The following LHPP variants were observed in gnomAD, a reference collection of about 807,000 sequenced individuals.
The protein encoded by LHPP is phospholysine phosphohistidine inorganic pyrophosphate phosphatase.
In LHPP, 24 loss-of-function variants were observed where a neutral mutation model predicts 30.3. The ratio of observed to expected loss-of-function variants is 0.79; its 90% CI spans 0.57 to 1.11. The LOEUF (loss-of-function observed/expected upper bound fraction) is 1.11. LHPP is among the 50% of genes most tolerant of loss of function. The probability of loss-of-function intolerance (pLI) is 0.00; values close to 1 mark genes in which losing one functional copy is unlikely to be tolerated. For synonymous variants in LHPP, 150 were observed against 157.1 expected (o/e 0.95, Z 0.34); for missense variants, 356 against 367.2 (o/e 0.97, Z 0.25).
In LHPP at chr10:124,601,917, A is replaced by G. The variant is rs531546153; in HGVS notation, c.717-11347A>G. 8.5e-5 allele frequency among the ~76,000 whole-genome samples: 13 copies of G among 152,296 alleles called. 1 individual carries two copies. Among genetic ancestry groups the G allele is most frequent in the African/African-American group, 3.1e-4 (13 of 41,562 alleles). On this transcript the variant is annotated intron_variant, in intron 6 of 6. Transcript: ENST00000368842. ...ACCAGCCATGGGGAGGCCGTGGGCTACCAGGCCCTGCGTGCACTCGCAGCA... is the reference window on the plus strand; with the variant it reads ...ACCAGCCATGGGGAGGCCGTGGGCTGCCAGGCCCTGCGTGCACTCGCAGCA...
chr10:124,591,542 C>T lies in LHPP; in HGVS notation c.717-21722C>T, dbSNP rs111244882. Among the ~76,000 whole-genome samples, 836 of 152,128 alleles carry T rather than the reference C, an allele frequency of 5.5e-3. 11 individuals carry two copies. Among genetic ancestry groups the T allele is most frequent in the African/African-American group, 0.019 (781 of 41,490 alleles). ...ACAAAGTCATTGTGGACACTGAGGC[C>T]CAGAAAAGGGACTTGCCCAAGGCCA... is the stretch of plus-strand genomic sequence containing the variant. On this transcript the variant is annotated intron_variant, in intron 6 of 6. Transcript: ENST00000368842.
At chr10:124,571,526 A>T (rs1948584045) in intron 6 of LHPP, among the ~76,000 whole-genome samples, 1 of 152,252 alleles carries the variant, frequency 6.6e-6, no homozygotes, top group Admixed American at 6.5e-5. Flanking sequence ...GGTGTCCAGG[A>T]TGCACTGCCT....
At chr10:124,490,843 C>T (rs568012070) in intron 3 of LHPP, among the ~76,000 whole-genome samples, 25 of 152,150 alleles carry the variant, frequency 1.6e-4, no homozygotes, top group Admixed American at 1.4e-3. Context: ...GGGTTCTGCA[C>T]AACCTAGAGT....
At chr10:124,570,141 C>G (rs888895862) in intron 6 of LHPP, among the ~76,000 whole-genome samples, 6 of 152,214 alleles carry the variant, frequency 3.9e-5, no homozygotes, top group Admixed American at 1.3e-4. Flanking sequence ...GCTTCAATCT[C>G]CTTGGTAGCT....
At chr10:124,530,079 C>A (rs1242526507) in intron 6 of LHPP, among the ~76,000 whole-genome samples, 1 of 152,140 alleles carries the variant, frequency 6.6e-6, no homozygotes, top group African/African-American at 2.4e-5. Flanking sequence ...AGAGAGGACA[C>A]CCCAATGCGG....
intron 5 of LHPP, chr10:124,498,670 T>C (rs1953806547): frequency 1.9e-6 from 1 of 531,080 alleles, no homozygotes; most frequent in Non-Finnish European, 3.3e-6. Flanking sequence ...CTTTTTTTTT[T>C]TTTTTTTTTT....
chr10:124,551,042 A>G (rs1948155025), intron 6 of LHPP, among the ~76,000 whole-genome samples: 1 of 152,024 alleles, frequency 6.6e-6, no homozygotes, highest in Non-Finnish European at 1.5e-5. Flanking sequence ...GTTTCTACAC[A>G]ACCCATCTGT....
At chr10:124,462,495 T>C (rs1410341933) in intron 1 of LHPP, among the ~76,000 whole-genome samples, 1 of 151,878 alleles carries the variant, frequency 6.6e-6, no homozygotes, top group Non-Finnish European at 1.5e-5. Flanking sequence ...CTTGGGAGGC[T>C]GAGGCAGGAG....
chr10:124,588,674 A>G (rs1464777747), intron 6 of LHPP, among the ~76,000 whole-genome samples: 3 of 151,802 alleles, frequency 2.0e-5, no homozygotes, highest in African/African-American at 7.3e-5. Context: ...GGTTTTTACA[A>G]ATGTCTGCAA....
At position 124,574,540 on chromosome 10, in the gene LHPP, C is replaced by A. The variant is rs200182413; in HGVS notation, c.717-38724C>A. On this transcript the variant is annotated intron_variant, in intron 6 of 6. Transcript: ENST00000368842. ...AGAGCTTCAGACCTGGAGCCTGCTC[C>A]CAGGGCCGATCTGAACCCGGCACCT... Among the ~76,000 whole-genome samples the A allele has an allele frequency of 4.9e-4, 74 of 152,254 alleles. No individual in the cohort carries two copies. In the East Asian group the frequency reaches 0.011, roughly 22 times the overall value.
chr10:124,544,906 T>A (rs1022239989), intron 6 of LHPP, among the ~76,000 whole-genome samples: 3 of 152,106 alleles, frequency 2.0e-5, no homozygotes, highest in Non-Finnish European at 2.9e-5. Context: ...CGCGAGTGCA[T>A]ATGTGCGCAG....
chr10:124,470,429 C>A (rs1224392407), intron 1 of LHPP, among the ~76,000 whole-genome samples: 3 of 152,100 alleles, frequency 2.0e-5, no homozygotes, highest in East Asian at 1.9e-4. Context: ...CACAGCCCTT[C>A]CGTCCAGTAG....
At chr10:124,493,000 C>T (rs1953578399) in intron 3 of LHPP, among the ~76,000 whole-genome samples, 1 of 151,742 alleles carries the variant, frequency 6.6e-6, no homozygotes, top group Non-Finnish European at 1.5e-5. Flanking sequence ...CCAGCCTGGG[C>T]AGCATAGTAA....
intron 1 of LHPP, among the ~76,000 whole-genome samples, chr10:124,476,235 T>C (rs1229178395): frequency 6.6e-6 from 1 of 152,158 alleles, no homozygotes; most frequent in Non-Finnish European, 1.5e-5. Flanking sequence ...TCACTGTGTC[T>C]CTTCTCTCCA....
chr10:124,502,883 G>T lies in LHPP; in HGVS notation c.624+4755G>T, dbSNP rs151055271. ...GTAGAGACAGGGTTTCTCCATGTTG[G>T]CCAGGCTTGTCTTGAACTCCTGACC... On this transcript the variant is annotated intron_variant, in intron 5 of 6. Transcript: ENST00000368842. 1.2e-3 allele frequency among the ~76,000 whole-genome samples: 178 copies of T among 150,662 alleles called. 2 individuals are homozygous for T. The highest frequency in any genetic ancestry group is 6.8e-3 in the Middle Eastern group (2 of 292).
chr10:124,516,945 T>C (rs1451471622), intron 5 of LHPP, among the ~76,000 whole-genome samples: 2 of 152,136 alleles, frequency 1.3e-5, no homozygotes, highest in African/African-American at 4.8e-5. Context: ...TGCTGATTGA[T>C]TTCAAATTGC....
intron 5 of LHPP, among the ~76,000 whole-genome samples, chr10:124,503,189 C>G (rs971999332): frequency 6.6e-6 from 1 of 151,912 alleles, no homozygotes; most frequent in African/African-American, 2.4e-5. Flanking sequence ...GCCTCAGCCT[C>G]TTGAGTAGCT....
chr10:124,573,964 C>T (rs1948622044), intron 6 of LHPP, among the ~76,000 whole-genome samples: 1 of 152,134 alleles, frequency 6.6e-6, no homozygotes, highest in Admixed American at 6.5e-5. Context: ...GCCACCCCCA[C>T]AGCCTCCAGG....
chr10:124,610,312 G>A (rs991255569), intron 6 of LHPP, among the ~76,000 whole-genome samples: 1 of 144,490 alleles, frequency 6.9e-6, no homozygotes, highest in Non-Finnish European at 1.5e-5. Flanking sequence ...GAGCGGGTGC[G>A]GGTGTGGGTG....
Sources: allele counts gnomAD v4.1 joint callset (sites outside exome capture counted in the v4.1 genomes callset), GRCh38; gene constraint gnomAD v4.1.1; transcripts MANE v1.5; gene names NCBI Gene and HGNC (gene_info 2026-07-23, HGNC 2026-07-21).